Variants in CDC42SE2 observed in about 807,000 individuals in gnomAD.
CDC42SE2 encodes CDC42 small effector protein 2.
CDC42SE2 carries 3 observed loss-of-function variants against 11.5 expected under a neutral mutation model. The observed-to-expected ratio is 0.26, with a 90% confidence interval of 0.12 to 0.67. CDC42SE2 has a LOEUF of 0.67. Ranked by LOEUF, CDC42SE2 falls within the 30% of genes least tolerant of loss-of-function variation. The pLI is 0.80. For missense variants in CDC42SE2, 82 were observed against 106.8 expected, an observed-to-expected ratio of 0.77 and a Z score of 1.02; for synonymous variants, 33 against 34.8, an observed-to-expected ratio of 0.95 and a Z score of 0.18.
chr5:131,343,573 G>A (rs1561591911), intron 2 of CDC42SE2, among the ~76,000 whole-genome samples: 1 of 152,020 alleles, frequency 6.6e-6, no homozygotes, highest in African/African-American at 2.4e-5. Flanking sequence ...TTAGCCAGGT[G>A]TGGTGGTGCA....
At chr5:131,358,136 T>A (rs1749605908) in intron 2 of CDC42SE2, among the ~76,000 whole-genome samples, 1 of 152,246 alleles carries the variant, frequency 6.6e-6, no homozygotes, top group South Asian at 2.1e-4. Flanking sequence ...TAGAGATCAT[T>A]CATTGCTTTA....
intron 1 of CDC42SE2, among the ~76,000 whole-genome samples, chr5:131,307,470 T>C (rs1757803856): frequency 6.6e-6 from 1 of 152,166 alleles, no homozygotes; most frequent in African/African-American, 2.4e-5. Flanking sequence ...CTATCATTGT[T>C]GGACATTTGG....
At chr5:131,365,741 G>A (rs372761615) in intron 3 of CDC42SE2, among the ~76,000 whole-genome samples, 2 of 152,162 alleles carry the variant, frequency 1.3e-5, no homozygotes, top group East Asian at 1.9e-4. Flanking sequence ...CCAGCACTTT[G>A]GGAGGCCAAG....
chr5:131,241,154 A>G (rs1357488739), upstream of CDC42SE2, among the ~76,000 whole-genome samples: 1 of 150,956 alleles, frequency 6.6e-6, no homozygotes, highest in African/African-American at 2.4e-5. Flanking sequence ...AGTTTTTTGT[A>G]TTTTTAGTAG....
chr5:131,273,939 G>A (rs886972893), intron 1 of CDC42SE2, among the ~76,000 whole-genome samples: 2 of 151,886 alleles, frequency 1.3e-5, no homozygotes, highest in African/African-American at 4.8e-5. Flanking sequence ...CACCACATCC[G>A]GCTAGTTTTT....
chr5:131,313,404 T>G (rs1467313577), intron 1 of CDC42SE2, among the ~76,000 whole-genome samples: 1 of 152,222 alleles, frequency 6.6e-6, no homozygotes, highest in East Asian at 1.9e-4. Flanking sequence ...TTGTCTTTTT[T>G]AAGTGGATTG....
intron 1 of CDC42SE2, among the ~76,000 whole-genome samples, chr5:131,247,520 G>A (rs1248870933): frequency 6.6e-6 from 1 of 152,056 alleles, no homozygotes; most frequent in Non-Finnish European, 1.5e-5. Context: ...TTGGGAGGCT[G>A]AGGCAAGAGA....
At chr5:131,274,482 C>G (rs1391216015) in intron 1 of CDC42SE2, among the ~76,000 whole-genome samples, 4 of 152,314 alleles carry the variant, frequency 2.6e-5, no homozygotes, top group East Asian at 1.9e-4. Context: ...AAGCAACCAT[C>G]GTCTCTTGCA....
At chr5:131,304,887 A>G (rs868796959) in intron 1 of CDC42SE2, among the ~76,000 whole-genome samples, 1 of 152,292 alleles carries the variant, frequency 6.6e-6, no homozygotes, top group South Asian at 2.1e-4. Flanking sequence ...TAAACATAAA[A>G]TTAAATGCAT....
At chr5:131,277,898 C>A (rs747841340) in intron 1 of CDC42SE2, among the ~76,000 whole-genome samples, 1 of 152,064 alleles carries the variant, frequency 6.6e-6, no homozygotes, top group Non-Finnish European at 1.5e-5. Context: ...TGTCTTATTC[C>A]TTGCTGTCTA....
chr5:131,275,259 A>G (rs1757077439), intron 1 of CDC42SE2, among the ~76,000 whole-genome samples: 1 of 151,780 alleles, frequency 6.6e-6, no homozygotes, highest in African/African-American at 2.4e-5. Context: ...TTGGTGATTT[A>G]CATGGACTTA....
intron 3 of CDC42SE2, among the ~76,000 whole-genome samples, chr5:131,367,641 G>A (rs1749898176): frequency 6.6e-6 from 1 of 152,144 alleles, no homozygotes. Context: ...CCTCTTGTGT[G>A]AAAGACATGC....
chr5:131,385,863 G>A (rs1375756508), intron 4 of CDC42SE2, among the ~76,000 whole-genome samples: 2 of 152,056 alleles, frequency 1.3e-5, no homozygotes, highest in African/African-American at 2.4e-5. Context: ...TTTCTTGTAC[G>A]CAACTCTTCA....
chr5:131,300,423 T>C (rs1440070745), intron 1 of CDC42SE2, among the ~76,000 whole-genome samples: 1 of 152,188 alleles, frequency 6.6e-6, no homozygotes, highest in East Asian at 1.9e-4. Flanking sequence ...ATTTTAGTTA[T>C]AAATTAGGGT....
At chr5:131,234,359 C>T in the CDC42SE2 span, among the ~76,000 whole-genome samples, 7 of 152,030 alleles carry the variant, frequency 4.6e-5, no homozygotes, top group African/African-American at 1.5e-4. Flanking sequence ...ATAGATAGGC[C>T]GGGCGCAGTG....
intron 1 of CDC42SE2, among the ~76,000 whole-genome samples, chr5:131,276,262 C>T (rs534668788): frequency 5.4e-5 from 7 of 130,696 alleles, no homozygotes; most frequent in East Asian, 4.2e-4. Flanking sequence ...GTCTGGGCAA[C>T]GAGGCGAAAC....
chr5:131,227,800 T>A, the CDC42SE2 span, among the ~76,000 whole-genome samples: 1 of 152,376 alleles, frequency 6.6e-6, no homozygotes, highest in Admixed American at 6.5e-5. Context: ...ATCTGAGCAC[T>A]TTGGGAGGCC....
intron 2 of CDC42SE2, among the ~76,000 whole-genome samples, chr5:131,335,228 A>G (rs1038081649): frequency 2.0e-5 from 3 of 152,178 alleles, no homozygotes; most frequent in African/African-American, 7.2e-5. Context: ...TTATGTACCC[A>G]GTAGTTATTC....
At chr5:131,311,083 T>C (rs1443351153) in intron 1 of CDC42SE2, among the ~76,000 whole-genome samples, 9 of 151,990 alleles carry the variant, frequency 5.9e-5, no homozygotes, top group Non-Finnish European at 1.0e-4. Flanking sequence ...CTGGTACCAG[T>C]TTTTCCTTTC....
Sources: gnomAD v4.1 joint callset for allele counts (sites outside exome capture counted in the v4.1 genomes callset) on GRCh38, gnomAD v4.1.1 for gene constraint, MANE v1.5 for transcripts, NCBI Gene and HGNC (gene_info 2026-07-23, HGNC 2026-07-21) for gene names.